The following SAMD4B variants were observed in gnomAD, a reference collection of about 807,000 sequenced individuals.
The protein encoded by SAMD4B is sterile alpha motif domain containing 4B.
A neutral mutation model predicts 74.5 loss-of-function variants in SAMD4B; 5 were observed. The observed-to-expected ratio is 0.07, with a 90% CI of 0.04 to 0.14. The LOEUF is 0.14. Ranked by LOEUF, SAMD4B falls within the 10% of genes least tolerant of loss-of-function variation. SAMD4B has a pLI of 1.00. For missense variants in SAMD4B, 608 were observed against 921.8 expected (o/e 0.66, Z 4.41); for synonymous variants, 373 against 374.9 (o/e 1.00, Z 0.06).
At chr19:39,387,249 TAGTA>T (rs1461676747), downstream of SAMD4B, 8 of 395,434 alleles carry the variant, frequency 2.0e-5, no homozygotes, top group Admixed American at 1.8e-4. Flanking sequence ...TGTAATACAA[TAGTA>T]AGTATTTGTG....
At chr19:39,377,230 A>G (rs2077655418) in intron 7 of SAMD4B, among the ~76,000 whole-genome samples, 1 of 152,070 alleles carries the variant, frequency 6.6e-6, no homozygotes, top group African/African-American at 2.4e-5. Context: ...CTCTGATTCT[A>G]TCCTTGTTGG....
At chr19:39,349,329 G>A (rs1225974176) in intron 1 of SAMD4B, among the ~76,000 whole-genome samples, 1 of 152,140 alleles carries the variant, frequency 6.6e-6, no homozygotes, top group Non-Finnish European at 1.5e-5. Context: ...AGGAAGCAGA[G>A]AATAAACTTT....
At position 39,377,764 on chromosome 19, in the gene SAMD4B, G is replaced by A; in HGVS notation, c.1384G>A (p.Ala462Thr). 6.2e-7 allele frequency: 1 copy of A among 1,613,782 alleles called. No individual in the cohort carries two copies. The change falls in exon 8 of 14, where the codon GCC (alanine) becomes ACC (threonine). Residue 462 changes from alanine to threonine, a missense_variant. Coordinates refer to ENST00000610417, the MANE Select transcript of SAMD4B (RefSeq NM_001384574.2). ...APAPTDGSEP[A>T]PAPVADGDIP... ...AGCTCCCACTGATGGCAGTGAGCCT[G>A]CCCCGGCTCCCGTCGCCGACGGAGA...
intron 3 of SAMD4B, among the ~76,000 whole-genome samples, chr19:39,357,309 A>G (rs1275801845): frequency 5.3e-5 from 8 of 152,170 alleles, no homozygotes; most frequent in African/African-American, 1.7e-4. Context: ...GGAGAAGGCA[A>G]TGCAAACTGG....
rs1484687954 is a variant in SAMD4B, at chr19:39,371,641, A to C, written c.667+1516A>C. Among the ~76,000 whole-genome samples, 3 of 152,098 alleles carry C rather than the reference A, an allele frequency of 2.0e-5. No individual in the cohort carries two copies. In the East Asian group the frequency reaches 5.8e-4, roughly 29 times the overall value. Reference sequence around the variant, plus strand: ...AGACCAGCCTGACCAACATGGTGAAACCTCATCTCTACTAAAAATATAAAA... The same window carrying C: ...AGACCAGCCTGACCAACATGGTGAACCCTCATCTCTACTAAAAATATAAAA... On this transcript the variant is annotated intron_variant, in intron 4 of 13. Transcript: ENST00000610417.
At chr19:39,342,869 C>G (rs1162283862) in intron 1 of SAMD4B, among the ~76,000 whole-genome samples, 1 of 151,688 alleles carries the variant, frequency 6.6e-6, no homozygotes, top group African/African-American at 2.4e-5. Context: ...TCAGGACCCC[C>G]CGCACATCCC....
At chr19:39,351,348 C>G (rs530212555) in intron 1 of SAMD4B, 13 of 152,358 alleles carry the variant, frequency 8.5e-5, no homozygotes, top group African/African-American at 2.9e-4. Context: ...CCAAGAAGAT[C>G]ACTTGGACCT....
intron 12 of SAMD4B, among the ~76,000 whole-genome samples, chr19:39,382,274 G>A (rs1444955745): frequency 6.6e-6 from 1 of 152,166 alleles, no homozygotes. Flanking sequence ...TGGATGAACC[G>A]CAGGAATGAA....
chr19:39,365,382 C>G (rs1209332289), intron 3 of SAMD4B, among the ~76,000 whole-genome samples: 1 of 151,906 alleles, frequency 6.6e-6, no homozygotes, highest in Non-Finnish European at 1.5e-5. Context: ...GGCAAAAGCC[C>G]GTCTCTACTC....
At chr19:39,380,504 G>A in intron 10 of SAMD4B, 83 bp from the exon 11 acceptor site, 4 of 1,373,034 alleles carry the variant, frequency 2.9e-6, no homozygotes, top group Non-Finnish European at 2.1e-6. Context: ...CTACAACTTG[G>A]GGTTGTTGGG....
chr19:39,377,888 G>A (rs971186429), intron 8 of SAMD4B, 64 bp downstream of exon 8: 1 of 1,469,798 alleles, frequency 6.8e-7, no homozygotes, highest in African/African-American at 1.4e-5. Flanking sequence ...CCAAGCACCA[G>A]GGATCAAATC....
At position 39,376,604 on chromosome 19, in the gene SAMD4B, GC is replaced by G. The variant is rs1160946292; in HGVS notation, c.1017+59del. The G allele has an allele frequency of 3.8e-6, 6 of 1,583,048 alleles. No homozygotes were observed. The Admixed American group carries it at 1.0e-4, about 26-fold the overall frequency. ...GGGGCAGCGCTAGTTTGGCATCCTTGCAGCCCAAGCCTCCTCTGTCTCCTTG... is the reference window on the plus strand; with the variant it reads ...GGGGCAGCGCTAGTTTGGCATCCTTGAGCCCAAGCCTCCTCTGTCTCCTTG... On this transcript the variant is annotated intron_variant, in intron 6 of 13. Coordinates refer to ENST00000610417, the MANE Select transcript of SAMD4B (RefSeq NM_001384574.2).
chr19:39,373,306 G>A lies in SAMD4B; in HGVS notation c.668-2344G>A, dbSNP rs116460781. The stretch of plus-strand genomic sequence containing the variant: ...GGTACTTCTGGATGCCATAGGTGGA[G>A]CTCAGAGGCCCTCTTAGCACCCTTT... On this transcript the variant is annotated intron_variant, in intron 4 of 13. Transcript: ENST00000610417. 3.9e-3 allele frequency among the ~76,000 whole-genome samples: 589 copies of A among 152,316 alleles called. 4 individuals are homozygous for A. The highest frequency in any genetic ancestry group is 0.013 in the African/African-American group (558 of 41,554).
Position 39,378,805 on chromosome 19 carries a change from G to GCTGAGGCAGAATGGCGTGAAC in SAMD4B, c.1530+218_1530+238dup, listed in dbSNP as rs2145827379. Among the ~76,000 whole-genome samples the GCTGAGGCAGAATGGCGTGAAC allele has an allele frequency of 6.6e-6, 1 of 152,388 alleles. No homozygotes were observed. Among genetic ancestry groups the GCTGAGGCAGAATGGCGTGAAC allele is most frequent in the Non-Finnish European group, 1.5e-5 (1 of 68,040 alleles). ...GCCTGCAGTCCCAGCTACGCGGGAG[G>GCTGAGGCAGAATGGCGTGAAC]CTGAGGCAGAATGGCGTGAACCCGG... On this transcript the variant is annotated intron_variant, in intron 9 of 13. Coordinates refer to ENST00000610417, the MANE Select transcript of SAMD4B (RefSeq NM_001384574.2). The surrounding 1 kb of genome is among the most constrained non-coding windows in gnomAD (Gnocchi z 4.4).
chr19:39,350,326 G>A (rs1485715336), intron 1 of SAMD4B: 2 of 152,180 alleles, frequency 1.3e-5, no homozygotes, highest in Non-Finnish European at 2.9e-5. Context: ...GGAGAGCCAG[G>A]ATTTAAGCCA....
At position 39,380,486 on chromosome 19, in the gene SAMD4B, G is replaced by T. The variant is rs564152348; in HGVS notation, c.1650-101G>T. On this transcript the variant is annotated intron_variant, in intron 10 of 13. Coordinates refer to ENST00000610417, the MANE Select transcript of SAMD4B (RefSeq NM_001384574.2). ...GACAGAATGTGTGATGGAGGTTTAT[G>T]TTCTCTCCTACAACTTGGGGTTGTT... 1.5e-4 allele frequency: 182 copies of T among 1,241,596 alleles called. No homozygotes were observed. The South Asian group carries it at 2.1e-3, about 14-fold the overall frequency. 76.9% of individuals were successfully genotyped at this position (1,241,596 alleles called of 1,614,324 possible).
intron 3 of SAMD4B, among the ~76,000 whole-genome samples, chr19:39,368,770 T>C (rs2077122648): frequency 6.6e-6 from 1 of 152,228 alleles, no homozygotes; most frequent in Non-Finnish European, 1.5e-5. Context: ...TGCTAGCTCA[T>C]TGAATCTCAA....
At chr19:39,352,487 G>C (rs898050396) in intron 1 of SAMD4B, 5 of 140,524 alleles carry the variant, frequency 3.6e-5, no homozygotes, top group Admixed American at 3.4e-4. Context: ...TCCTCTTTAG[G>C]GGAAAAAAAA....
intron 3 of SAMD4B, chr19:39,369,450 A>C: frequency 1.8e-6 from 1 of 557,270 alleles, no homozygotes; most frequent in East Asian, 3.1e-5. Context: ...CCCATCTCTT[A>C]AAAAAAATAA....
Sources: allele counts gnomAD v4.1 joint callset (sites outside exome capture counted in the v4.1 genomes callset), GRCh38; gene constraint gnomAD v4.1.1; non-coding constraint Gnocchi (gnomAD v3.1); transcripts MANE v1.5; gene names NCBI Gene and HGNC (gene_info 2026-07-23, HGNC 2026-07-21).